Variants in ARID4B observed in about 807,000 individuals in gnomAD.
The protein encoded by ARID4B is AT-rich interactive domain-containing protein 4B.
A neutral mutation model predicts 147.5 loss-of-function variants in ARID4B; 26 were observed. The ratio of observed to expected loss-of-function variants is 0.18; its 90% CI spans 0.13 to 0.24. ARID4B has a LOEUF of 0.24. Among genes scored for constraint, ARID4B ranks in the 10% least tolerant of loss-of-function variants. The probability of loss-of-function intolerance (pLI) is 1.00; values close to 1 mark genes in which losing one functional copy is unlikely to be tolerated. For missense variants in ARID4B, 1,179 were observed against 1,511.5 expected, an observed-to-expected ratio of 0.78 and a Z score of 3.65; for synonymous variants, 512 against 507.9, an observed-to-expected ratio of 1.01 and a Z score of -0.11.
At chr1:235,281,344 A>C (rs7550450) in intron 2 of ARID4B, among the ~76,000 whole-genome samples, 62 of 152,268 alleles carry the variant, frequency 4.1e-4, no homozygotes, top group African/African-American at 1.3e-3. Flanking sequence ...TGAGGTAAGG[A>C]GTTCAAGACT....
At chr1:235,202,693 G>A (rs1265180242) in intron 17 of ARID4B, among the ~76,000 whole-genome samples, 1 of 151,850 alleles carries the variant, frequency 6.6e-6, no homozygotes, top group African/African-American at 2.4e-5. Flanking sequence ...GGGATTACAG[G>A]TGTGTGCCAC....
intron 2 of ARID4B, among the ~76,000 whole-genome samples, chr1:235,312,481 T>C (rs573208067): frequency 1.1e-3 from 160 of 152,356 alleles, no homozygotes; most frequent in African/African-American, 3.6e-3. Flanking sequence ...TACTACTATG[T>C]AATTTTTAAT....
chr1:235,177,672 CTTTT>C (rs1558170359), intron 21 of ARID4B, 124 bp downstream of exon 21: 1 of 554,440 alleles, frequency 1.8e-6, no homozygotes. Context: ...ATTTGTGTGA[CTTTT>C]TTTGAGTGTA....
intron 19 of ARID4B, among the ~76,000 whole-genome samples, chr1:235,185,974 G>GT (rs1664646589): frequency 1.5e-5 from 2 of 130,368 alleles, no homozygotes; most frequent in East Asian, 3.4e-4. Context: ...TTAGTTATTT[G>GT]CTTTTTTTTT....
chr1:235,205,902 T>G (rs547087828), intron 17 of ARID4B, among the ~76,000 whole-genome samples: 1 of 152,258 alleles, frequency 6.6e-6, no homozygotes, highest in East Asian at 1.9e-4. Flanking sequence ...CCTAACACAT[T>G]GCTGGTGAGA....
intron 16 of ARID4B, among the ~76,000 whole-genome samples, chr1:235,215,989 T>G (rs1667047098): frequency 6.6e-6 from 1 of 152,106 alleles, no homozygotes; most frequent in Non-Finnish European, 1.5e-5. Flanking sequence ...TACTTTATCA[T>G]TCCTAATTAA....
intron 2 of ARID4B, among the ~76,000 whole-genome samples, chr1:235,289,524 G>C (rs1572163530): frequency 6.6e-6 from 1 of 151,944 alleles, no homozygotes; most frequent in African/African-American, 2.4e-5. Context: ...AGGAGTTCGA[G>C]ACCAGCCTGG....
chr1:235,267,371 T>A (rs893116796), intron 2 of ARID4B, among the ~76,000 whole-genome samples: 2 of 152,252 alleles, frequency 1.3e-5, no homozygotes, highest in African/African-American at 4.8e-5. Flanking sequence ...GCCTATTTTA[T>A]ATATAGCAAT....
chr1:235,246,055 AT>A (rs1300282236), intron 7 of ARID4B, among the ~76,000 whole-genome samples: 1 of 152,326 alleles, frequency 6.6e-6, no homozygotes, highest in Non-Finnish European at 1.5e-5. Context: ...TTTGTTGAGA[AT>A]TAAGGCATGG....
chr1:235,288,744 A>T (rs1265147525), intron 2 of ARID4B, among the ~76,000 whole-genome samples: 4 of 152,360 alleles, frequency 2.6e-5, no homozygotes, highest in Non-Finnish European at 5.9e-5. Context: ...AAAAGGGAGC[A>T]CAAAGAACAT....
At chr1:235,295,608 G>A (rs575893628) in intron 2 of ARID4B, among the ~76,000 whole-genome samples, 10 of 151,206 alleles carry the variant, frequency 6.6e-5, no homozygotes, top group South Asian at 2.1e-4. Context: ...TCAGGAGTTC[G>A]AGATCAGCCT....
intron 19 of ARID4B, chr1:235,190,233 A>C (rs765411065): frequency 6.6e-6 from 1 of 152,288 alleles, no homozygotes; most frequent in Non-Finnish European, 1.5e-5. Context: ...GGATCACTTG[A>C]GGTCAGCAGT....
intron 2 of ARID4B, among the ~76,000 whole-genome samples, chr1:235,319,031 G>T (rs1674636336): frequency 6.6e-6 from 1 of 152,138 alleles, no homozygotes; most frequent in Non-Finnish European, 1.5e-5. Flanking sequence ...TAACGTGCCT[G>T]AAGTCTCAGC....
chr1:235,286,525 A>G (rs1425299229), intron 2 of ARID4B, among the ~76,000 whole-genome samples: 2 of 152,224 alleles, frequency 1.3e-5, no homozygotes, highest in African/African-American at 2.4e-5. Flanking sequence ...ACGTAAATCT[A>G]TCTTAGGATC....
At chr1:235,295,793 G>C (rs574097370) in intron 2 of ARID4B, 3 of 151,826 alleles carry the variant, frequency 2.0e-5, no homozygotes, top group Non-Finnish European at 4.4e-5. Flanking sequence ...CTGGACAACA[G>C]AGCGAGACTA....
At chr1:235,274,769 C>T (rs763348851) in intron 2 of ARID4B, among the ~76,000 whole-genome samples, 4 of 152,276 alleles carry the variant, frequency 2.6e-5, no homozygotes, top group East Asian at 3.9e-4. Context: ...GCTATGGCTA[C>T]GATCTGCAAC....
chr1:235,296,370 T>C (rs1032699059), intron 2 of ARID4B: 3 of 152,278 alleles, frequency 2.0e-5, no homozygotes, highest in African/African-American at 7.2e-5. Flanking sequence ...TAAATAGACA[T>C]ATTTTTCACC....
intron 2 of ARID4B, among the ~76,000 whole-genome samples, chr1:235,275,447 A>G (rs1215530774): frequency 1.3e-5 from 2 of 152,160 alleles, no homozygotes; most frequent in Non-Finnish European, 2.9e-5. Context: ...AATAAAACAG[A>G]TGCAGAGGGG....
intron 2 of ARID4B, among the ~76,000 whole-genome samples, chr1:235,282,317 G>A (rs1041530396): frequency 6.6e-6 from 1 of 152,166 alleles, no homozygotes; most frequent in Non-Finnish European, 1.5e-5. Flanking sequence ...TTATTCCTCA[G>A]CGCTGTCTCT....
Sources: allele counts gnomAD v4.1 joint callset (sites outside exome capture counted in the v4.1 genomes callset), GRCh38; gene constraint gnomAD v4.1.1; transcripts MANE v1.5; gene names NCBI Gene and HGNC (gene_info 2026-07-23, HGNC 2026-07-21).